The following RBM6 variants were observed in gnomAD, a reference collection of about 807,000 sequenced individuals.
RBM6 encodes the protein RNA binding motif protein 6, also known as RNA-binding protein 6.
Under a neutral mutation model 140.4 loss-of-function variants are expected in RBM6, and 23 were observed. The ratio of observed to expected loss-of-function variants is 0.16; its 90% CI spans 0.12 to 0.23. The LOEUF is 0.23. Among genes scored for constraint, RBM6 ranks in the 10% least tolerant of loss-of-function variants. The probability of loss-of-function intolerance (pLI) is 1.00; values close to 1 mark genes in which losing one functional copy is unlikely to be tolerated. For missense variants in RBM6, 1,139 were observed against 1,386.7 expected (o/e 0.82, Z 2.84); for synonymous variants, 439 against 475.6 (o/e 0.92, Z 1.00).
intron 1 of RBM6, 199 bp downstream of exon 1, chr3:49,940,424 G>A (rs1339185331): frequency 1.3e-5 from 2 of 153,520 alleles, no homozygotes; most frequent in African/African-American, 2.4e-5. Flanking sequence ...GGAACGCCCC[G>A]GAACCGTCGC....
intron 6 of RBM6, among the ~76,000 whole-genome samples, chr3:50,011,466 T>G (rs1305128626): frequency 6.6e-6 from 1 of 152,186 alleles, no homozygotes; most frequent in Non-Finnish European, 1.5e-5. Flanking sequence ...CTTGGACTAA[T>G]TTTTAGGGGA....
chr3:50,022,424 G>A (rs1191449305), intron 6 of RBM6, among the ~76,000 whole-genome samples: 3 of 151,710 alleles, frequency 2.0e-5, no homozygotes, highest in Admixed American at 6.6e-5. Flanking sequence ...TCTGCCTCCC[G>A]GGTTCAAGTG....
At position 49,967,897 on chromosome 3, in the gene RBM6, A is replaced by G. The variant is rs2108632521; in HGVS notation, c.472A>G (p.Arg158Gly). Reference protein sequence around the residue: ...REAPHMNYRDRDAHAVDFRGR... With the variant: ...REAPHMNYRDGDAHAVDFRGR... ...GGCACCTCATATGAACTACAGAGAC[A>G]GGGATGCTCACGCTGTTGACTTCAG... Residue 158 changes from arginine (R) to glycine (G), a missense_variant, in exon 3 of 21, where the codon AGG becomes GGG. Coordinates refer to ENST00000266022, the MANE Select transcript of RBM6 (RefSeq NM_005777.3). The surrounding 1 kb of genome is among the most constrained non-coding windows in gnomAD (Gnocchi z 4.0). The G allele has an allele frequency of 6.2e-7, 1 of 1,613,888 alleles. No homozygotes were observed. The highest frequency in any genetic ancestry group is 8.5e-7 in the Non-Finnish European group (1 of 1,179,820).
At chr3:50,050,887 C>A (rs954948123) in intron 7 of RBM6, among the ~76,000 whole-genome samples, 1 of 152,052 alleles carries the variant, frequency 6.6e-6, no homozygotes, top group Middle Eastern at 3.4e-3. Context: ...TCAACCAAGT[C>A]CTCTGCCCTT....
chr3:50,001,383 T>C (rs2086319649), intron 6 of RBM6, among the ~76,000 whole-genome samples: 1 of 152,112 alleles, frequency 6.6e-6, no homozygotes, highest in Non-Finnish European at 1.5e-5. Flanking sequence ...TGAGTCTGGA[T>C]TGAGACTGCA....
intron 1 of RBM6, among the ~76,000 whole-genome samples, chr3:49,960,470 A>G (rs553941678): frequency 2.6e-5 from 4 of 152,156 alleles, no homozygotes; most frequent in South Asian, 2.1e-4. Context: ...TTGATGACCT[A>G]TGGGCTGTCT....
chr3:49,985,196 G>A (rs145675616), intron 5 of RBM6, among the ~76,000 whole-genome samples: 5 of 152,270 alleles, frequency 3.3e-5, no homozygotes, highest in Non-Finnish European at 5.9e-5. Flanking sequence ...AGAAGAAAAG[G>A]GCATTACTCA....
intron 5 of RBM6, among the ~76,000 whole-genome samples, chr3:49,980,079 C>T (rs2085238780): frequency 6.6e-6 from 1 of 151,990 alleles, no homozygotes; most frequent in South Asian, 2.1e-4. Context: ...CAGCTTACTG[C>T]AACCTCTGCC....
At chr3:49,952,465 A>C (rs945774867) in intron 1 of RBM6, among the ~76,000 whole-genome samples, 1 of 150,614 alleles carries the variant, frequency 6.6e-6, no homozygotes, top group African/African-American at 2.4e-5. Context: ...GTGCCCAGCC[A>C]CTTTTACTAT....
chr3:50,002,675 G>A (rs550547558), intron 6 of RBM6, among the ~76,000 whole-genome samples: 10 of 152,278 alleles, frequency 6.6e-5, no homozygotes, highest in African/African-American at 2.2e-4. Flanking sequence ...GGGATGACAC[G>A]CACGAGTCAC....
chr3:50,074,622 T>G (rs563695335), intron 19 of RBM6, among the ~76,000 whole-genome samples: 1 of 152,356 alleles, frequency 6.6e-6, no homozygotes, highest in South Asian at 2.1e-4. Context: ...AGACATCTAC[T>G]GTTGCTACAT....
Position 49,972,139 on chromosome 3 carries a change from A to T in RBM6, c.1404A>T (p.Thr468=), listed in dbSNP as rs1009434232. 3.1e-6 allele frequency: 5 copies of T among 1,610,280 alleles called. No homozygotes were observed. In the African/African-American group the frequency reaches 6.7e-5, roughly 22 times the overall value. ...IRLSGVPEDA[T]KEEILNAFRT... is the part of the protein sequence containing the mutation. ...TAAGTGGGGTACCTGAAGATGCCAC[A>T]AAAGAAGAGGTAAGGCATGTCTTCT... Residue 468 remains threonine, a synonymous_variant, in exon 4 of 21, where the codon ACA becomes ACT. Coordinates refer to ENST00000266022, the MANE Select transcript of RBM6 (RefSeq NM_005777.3).
intron 4 of RBM6, among the ~76,000 whole-genome samples, chr3:49,974,431 G>A (rs2084963816): frequency 6.8e-6 from 1 of 148,108 alleles, no homozygotes; most frequent in African/African-American, 2.5e-5. Context: ...GAATGCAGTG[G>A]TGCGATCTTG....
intron 5 of RBM6, among the ~76,000 whole-genome samples, chr3:49,997,988 A>G (rs2086161799): frequency 6.6e-6 from 1 of 152,344 alleles, no homozygotes; most frequent in East Asian, 1.9e-4. Flanking sequence ...CTAAAAGTAG[A>G]TTAGAAAATC....
chr3:50,074,551 C>T (rs920891684), intron 19 of RBM6, among the ~76,000 whole-genome samples: 2 of 152,178 alleles, frequency 1.3e-5, no homozygotes, highest in African/African-American at 4.8e-5. Flanking sequence ...GAACTCCCAA[C>T]CTCAGGTGAT....
At chr3:49,993,920 C>T (rs890359225) in intron 5 of RBM6, among the ~76,000 whole-genome samples, 7 of 151,972 alleles carry the variant, frequency 4.6e-5, no homozygotes, top group African/African-American at 7.3e-5. Context: ...CTAGCCTGGG[C>T]GACAAAGGTG....
At chr3:50,016,711 A>C (rs969507737) in intron 6 of RBM6, among the ~76,000 whole-genome samples, 2 of 151,946 alleles carry the variant, frequency 1.3e-5, no homozygotes, top group Non-Finnish European at 2.9e-5. Flanking sequence ...GCTGCATCAC[A>C]CAGGCTGGAG....
Position 50,054,362 on chromosome 3 carries a change from T to C in RBM6, c.1660T>C (p.Ser554Pro), listed in dbSNP as rs769769643. The C allele has an allele frequency of 1.1e-5, 17 of 1,613,266 alleles. No individual in the cohort carries two copies. Among genetic ancestry groups the C allele is most frequent in the Admixed American group, 1.7e-5 (1 of 60,000 alleles). ...TAAGGCAAACATTGGTGGGCACCGA[T>C]CTTCCTGTTCATTCTGCAAGAACCC... is the stretch of plus-strand genomic sequence containing the variant. ...RCKANIGGHR[S>P]SCSFCKNPRE... Residue 554 changes from serine (S) to proline (P), a missense_variant, in exon 8 of 21, where the codon TCT becomes CCT. Coordinates refer to ENST00000266022, the MANE Select transcript of RBM6 (RefSeq NM_005777.3).
intron 6 of RBM6, among the ~76,000 whole-genome samples, chr3:50,008,546 C>CTTTTTTTTTTTTTT (rs5848909): frequency 1.4e-5 from 1 of 73,694 alleles, no homozygotes; most frequent in African/African-American, 5.3e-5. Context: ...TCTTTTGTAA[C>CTTTTTTTTTTTTTT]TTTTTTTTTT....
Sources: gnomAD v4.1 joint callset for allele counts (sites outside exome capture counted in the v4.1 genomes callset) on GRCh38, gnomAD v4.1.1 for gene constraint, Gnocchi (gnomAD v3.1) non-coding constraint, MANE v1.5 for transcripts, NCBI Gene and HGNC (gene_info 2026-07-23, HGNC 2026-07-21) for gene names.